The following RNASEH2B variants were observed in gnomAD, a reference collection of about 807,000 sequenced individuals.
RNASEH2B encodes ribonuclease H2 subunit B.
A neutral mutation model predicts 45.0 loss-of-function variants in RNASEH2B; 36 were observed. The observed-to-expected ratio is 0.80, with a 90% confidence interval of 0.61 to 1.06. The LOEUF (loss-of-function observed/expected upper bound fraction) is 1.06. Ranked by LOEUF, RNASEH2B falls within the 50% of genes least tolerant of loss-of-function variation. The pLI is 0.00. For missense variants in RNASEH2B, 361 were observed against 360.3 expected (o/e 1.00, Z -0.02); for synonymous variants, 119 against 125.7 (o/e 0.95, Z 0.35).
chr13:50,930,266 A>G (rs1485385516), intron 3 of RNASEH2B: 1 of 302,622 alleles, frequency 3.3e-6, no homozygotes, highest in Non-Finnish European at 6.4e-6. Context: ...TTTGTCCTCA[A>G]AAGCACAGGA....
intron 5 of RNASEH2B, among the ~76,000 whole-genome samples, chr13:50,939,601 G>T (rs1032943414): frequency 2.6e-5 from 4 of 151,406 alleles, no homozygotes; most frequent in African/African-American, 9.7e-5. Flanking sequence ...ATAGAATAGA[G>T]AATCTAGAAA....
At chr13:50,968,884 T>C (rs568442924) in intron 9 of RNASEH2B, among the ~76,000 whole-genome samples, 35 of 152,294 alleles carry the variant, frequency 2.3e-4, no homozygotes, top group Non-Finnish European at 4.6e-4. Flanking sequence ...CGGCACCAAA[T>C]GAAATTTACA....
chr13:50,969,524 A>G (rs1232380265), intron 9 of RNASEH2B, among the ~76,000 whole-genome samples: 1 of 146,328 alleles, frequency 6.8e-6, no homozygotes, highest in African/African-American at 2.5e-5. Flanking sequence ...TGCCTCTACA[A>G]AAAAAAAAAA....
chr13:50,927,563 T>C, intron 2 of RNASEH2B, 85 bp downstream of exon 2: 1 of 879,082 alleles, frequency 1.1e-6, no homozygotes, highest in East Asian at 2.4e-5. Flanking sequence ...GTCCTTGCTC[T>C]TTCTGAATAG....
At chr13:50,927,099 A>AT in intron 1 of RNASEH2B, 1 of 354,484 alleles carries the variant, frequency 2.8e-6, no homozygotes, top group East Asian at 7.0e-5. Context: ...GAGACAGGAG[A>AT]TTAAGACCCT....
intron 1 of RNASEH2B, 174 bp downstream of exon 1, chr13:50,910,314 GT>G (rs1229966531): frequency 4.6e-6 from 2 of 431,276 alleles, no homozygotes; most frequent in East Asian, 7.5e-5. Context: ...GCAAGCCGCG[GT>G]TTTCAAACCC....
At chr13:50,966,641 G>T (rs896156967) in intron 9 of RNASEH2B, among the ~76,000 whole-genome samples, 1 of 151,948 alleles carries the variant, frequency 6.6e-6, no homozygotes, top group African/African-American at 2.4e-5. Context: ...TCTCGGTTCT[G>T]CACTGCCAAA....
downstream of RNASEH2B, chr13:50,960,186 T>C: frequency 1.9e-6 from 2 of 1,050,774 alleles, no homozygotes; most frequent in Non-Finnish European, 2.4e-6. Context: ...AGTTTTATAT[T>C]TTTATATATT....
At chr13:50,951,718 AG>A (rs1163635301) in intron 9 of RNASEH2B, 1 of 152,182 alleles carries the variant, frequency 6.6e-6, no homozygotes, top group Non-Finnish European at 1.5e-5. Flanking sequence ...CCAAATCCAT[AG>A]GGATTTGGTC....
chr13:50,915,480 G>T, intron 1 of RNASEH2B: 1 of 398,546 alleles, frequency 2.5e-6, no homozygotes, highest in Non-Finnish European at 4.4e-6. Context: ...GCCCAGGTTC[G>T]TGGTACCTCT....
At chr13:50,921,449 AG>A (rs1397027990) in intron 1 of RNASEH2B, 1 of 152,230 alleles carries the variant, frequency 6.6e-6, no homozygotes, top group Non-Finnish European at 1.5e-5. Context: ...CACCTGTGCT[AG>A]ATGCAAGTAA....
At chr13:50,919,250 T>A (rs1432902874) in intron 1 of RNASEH2B, among the ~76,000 whole-genome samples, 1 of 152,252 alleles carries the variant, frequency 6.6e-6, no homozygotes, top group African/African-American at 2.4e-5. Flanking sequence ...CAACAACCTG[T>A]ACTATATAGT....
At chr13:50,922,794 G>A (rs893242951) in intron 1 of RNASEH2B, among the ~76,000 whole-genome samples, 7 of 152,188 alleles carry the variant, frequency 4.6e-5, no homozygotes, top group Non-Finnish European at 5.9e-5. Flanking sequence ...AAACAAGACA[G>A]TATGACCCAT....
At chr13:50,913,714 C>A (rs1879566774) in intron 1 of RNASEH2B, among the ~76,000 whole-genome samples, 1 of 152,142 alleles carries the variant, frequency 6.6e-6, no homozygotes, top group East Asian at 1.9e-4. Context: ...AAAGATTGCA[C>A]TTATTATTTA....
chr13:50,958,988 G>A (rs148375582), downstream of RNASEH2B, among the ~76,000 whole-genome samples: 89 of 152,264 alleles, frequency 5.8e-4, no homozygotes, highest in African/African-American at 2.1e-3. Flanking sequence ...CAAACAGTGG[G>A]TGTGAAAGCT....
Position 50,910,073 on chromosome 13 carries a change from C to T in RNASEH2B, c.-4C>T, listed in dbSNP as rs1566071117. 6.8e-7 allele frequency: 1 copy of T among 1,461,908 alleles called. No individual in the cohort carries two copies. The allele number at this position is 1,461,908 out of a possible 1,614,324, so 90.6% of individuals were successfully genotyped here. A position where few individuals can be genotyped will look rare whatever the true frequency, so the allele number is the denominator to read the frequency against. ...CCTGCGGCGCCCCGGAAGAGGCGGG[C>T]GGCATGGCCGCTGGCGTGGACTGCG... On this transcript the variant is annotated 5_prime_UTR_variant, in exon 1 of 11. Transcript: ENST00000336617.
intron 6 of RNASEH2B, among the ~76,000 whole-genome samples, chr13:50,944,240 T>C (rs532003097): frequency 2.8e-4 from 42 of 152,330 alleles, no homozygotes; most frequent in South Asian, 2.7e-3. Context: ...TACTTTCACA[T>C]TGATTAAGAA....
intron 9 of RNASEH2B, among the ~76,000 whole-genome samples, chr13:50,969,159 C>T (rs151239932): frequency 4.6e-5 from 7 of 152,172 alleles, no homozygotes; most frequent in African/African-American, 9.6e-5. Flanking sequence ...CATTCTAGAG[C>T]GAGTAGACAG....
At chr13:50,927,934 A>G (rs1593456377) in intron 2 of RNASEH2B, among the ~76,000 whole-genome samples, 3 of 151,834 alleles carry the variant, frequency 2.0e-5, no homozygotes, top group East Asian at 1.9e-4. Context: ...AGTTTTAGCT[A>G]TACTTCCCTA....
Sources: gnomAD v4.1 joint callset for allele counts (sites outside exome capture counted in the v4.1 genomes callset) on GRCh38, gnomAD v4.1.1 for gene constraint, MANE v1.5 for transcripts, NCBI Gene and HGNC (gene_info 2026-07-23, HGNC 2026-07-21) for gene names.